GNG5: variants seen among roughly 807,000 people sequenced by gnomAD.
The protein encoded by GNG5 is guanine nucleotide-binding protein G(I)/G(S)/G(O) subunit gamma-5.
A neutral mutation model predicts 6.2 loss-of-function variants in GNG5; 2 were observed. That is an observed-to-expected ratio of 0.32 (90% CI 0.13 to 1.01). The LOEUF (loss-of-function observed/expected upper bound fraction) is 1.01, where lower values mean the gene tolerates loss of function less well. GNG5 is among the 50% of genes least tolerant of loss of function. The probability of loss-of-function intolerance (pLI) is 0.48; values close to 1 mark genes in which losing one functional copy is unlikely to be tolerated. For synonymous variants in GNG5, 24 were observed against 33.0 expected, an observed-to-expected ratio of 0.73 and a Z score of 0.93; for missense variants, 57 against 80.2, an observed-to-expected ratio of 0.71 and a Z score of 1.10.
Position 84,506,124 on chromosome 1 carries a change from C to A in GNG5, c.-33G>T. On this transcript the variant is annotated 5_prime_UTR_variant, in exon 2 of 4. Transcript: ENST00000370645. ...GCGACGGCCGGGCCGATTCGTGGGT[C>A]GGTGGGTCGTGGGCCGTGGGTCGGC... 6 of 1,562,776 alleles carry A rather than the reference C, an allele frequency of 3.8e-6. No individual in the cohort carries two copies. Among genetic ancestry groups the A allele is most frequent in the Non-Finnish European group, 5.2e-6 (6 of 1,154,214 alleles).
At chr1:84,504,162 A>G (rs1196813251) in intron 2 of GNG5, among the ~76,000 whole-genome samples, 4 of 152,228 alleles carry the variant, frequency 2.6e-5, no homozygotes, top group Admixed American at 1.3e-4. Context: ...ATAAAGGTTA[A>G]AAGTAAGATT....
At chr1:84,500,546 T>C (rs1320550488) in intron 3 of GNG5, among the ~76,000 whole-genome samples, 1 of 152,080 alleles carries the variant, frequency 6.6e-6, no homozygotes, top group Non-Finnish European at 1.5e-5. Flanking sequence ...TAATAAACCA[T>C]AAAAATATGA....
At chr1:84,500,169 A>G (rs967961948) in intron 3 of GNG5, among the ~76,000 whole-genome samples, 3 of 152,210 alleles carry the variant, frequency 2.0e-5, no homozygotes, top group African/African-American at 7.2e-5. Flanking sequence ...GGCAGTTGTA[A>G]GAAATGCAAG....
chr1:84,506,385 T>G, intron 1 of GNG5, 51 bp downstream of exon 1: 1 of 272,932 alleles, frequency 3.7e-6, no homozygotes, highest in East Asian at 7.6e-5. Flanking sequence ...TCTTAAGTTT[T>G]CTTTTCCTCT....
chr1:84,505,217 C>G (rs1682152204), intron 2 of GNG5, among the ~76,000 whole-genome samples: 1 of 152,186 alleles, frequency 6.6e-6, no homozygotes, highest in Non-Finnish European at 1.5e-5. Context: ...GTTATTCTAT[C>G]AACACAGACA....
At chr1:84,506,380 A>C (rs1007441652) in intron 1 of GNG5, 56 bp downstream of exon 1, 7 of 290,600 alleles carry the variant, frequency 2.4e-5, no homozygotes, top group Non-Finnish European at 4.5e-5. Context: ...CCGACTCTTA[A>C]GTTTTCTTTT....
At chr1:84,500,238 G>T (rs752517154) in intron 3 of GNG5, among the ~76,000 whole-genome samples, 56 of 152,174 alleles carry the variant, frequency 3.7e-4, no homozygotes, top group Non-Finnish European at 6.9e-4. Context: ...AAAGTGATTT[G>T]CATATATTCA....
intron 3 of GNG5, among the ~76,000 whole-genome samples, chr1:84,499,540 A>C (rs1158050113): frequency 6.6e-6 from 1 of 152,232 alleles, no homozygotes; most frequent in Non-Finnish European, 1.5e-5. Context: ...CAAATTTTGG[A>C]AACTTAAATA....
rs949860609 is a variant in GNG5 at position 84,499,426 on chromosome 1, C to T, written c.*20-878G>A. ...TATTGGCAGGGGATATCAAGTACAA[C>T]GTTGTAAAAATGTTAAACGTTCACT... On this transcript the variant is annotated intron_variant, in intron 3 of 3. Transcript: ENST00000370645. Among the ~76,000 whole-genome samples the T allele has an allele frequency of 3.9e-5, 6 of 152,136 alleles. No homozygotes were observed. In the South Asian group the frequency reaches 8.3e-4, roughly 21 times the overall value.
intron 2 of GNG5, 47 bp downstream of exon 2, chr1:84,505,964 C>A: frequency 7.8e-7 from 1 of 1,290,198 alleles, no homozygotes; most frequent in Non-Finnish European, 1.0e-6. Flanking sequence ...CGGATCCCAC[C>A]CGCCGCCGCC....
intron 2 of GNG5, 45 bp downstream of exon 2, chr1:84,505,966 G>C: frequency 5.4e-6 from 5 of 922,142 alleles, no homozygotes; most frequent in Non-Finnish European, 7.8e-6. Context: ...GATCCCACCC[G>C]CCGCCGCCGC....
chr1:84,506,239 C>A lies in GNG5; in HGVS notation c.-148G>T, dbSNP rs1417111077. The A allele has an allele frequency of 1.1e-5, 6 of 543,168 alleles. No homozygotes were observed. The highest frequency in any genetic ancestry group is 8.6e-5 in the Admixed American group (2 of 23,352). 33.6% of individuals were successfully genotyped at this position (543,168 alleles called of 1,614,324 possible). On this transcript the variant is annotated 5_prime_UTR_variant, in exon 2 of 4. The change creates a premature stop within an existing upstream ORF in the 5' untranslated region. Transcript: ENST00000370645. ...GTTCTGTGCTCAGCGGCTCCACCCTCGGTGCGCATGCGCGCCTTGCCAGCC... is the reference window on the plus strand; with the variant it reads ...GTTCTGTGCTCAGCGGCTCCACCCTAGGTGCGCATGCGCGCCTTGCCAGCC...
At position 84,506,073 on chromosome 1, in the gene GNG5, C is replaced by A; in HGVS notation, c.19G>T (p.Val7Phe). The change falls in exon 2 of 4, where the codon GTC becomes TTC. Residue 7 changes from valine (V) to phenylalanine (F), a missense_variant. Coordinates refer to ENST00000370645, the MANE Select transcript of GNG5 (RefSeq NM_005274.3). ...TGAACCACTTTCTTCATAGCGGCGA[C>A]GCTGGAGGAGCCAGACATGGTGCAC... MSGSSS[V>F]AAMKKVVQQL... 1 of 1,577,202 alleles carries A rather than the reference C, an allele frequency of 6.3e-7. No homozygotes were observed. The highest frequency in any genetic ancestry group is 1.4e-5 in the African/African-American group (1 of 71,574).
At chr1:84,499,248 T>C (rs1299001461) in intron 3 of GNG5, among the ~76,000 whole-genome samples, 3 of 152,192 alleles carry the variant, frequency 2.0e-5, no homozygotes, top group African/African-American at 7.2e-5. Context: ...AGTGTTAATC[T>C]GAGATAGTCT....
At chr1:84,505,890 C>G in intron 2 of GNG5, 121 bp downstream of exon 2, 1 of 632,808 alleles carries the variant, frequency 1.6e-6, no homozygotes, top group Non-Finnish European at 2.4e-6. Flanking sequence ...CCGCTGAGCG[C>G]GCGTCCTCTC....
At chr1:84,501,622 T>C (rs1682059161) in intron 3 of GNG5, among the ~76,000 whole-genome samples, 1 of 152,214 alleles carries the variant, frequency 6.6e-6, no homozygotes, top group Non-Finnish European at 1.5e-5. Context: ...TTAACCTTCT[T>C]TATGGTAAAA....
intron 2 of GNG5, among the ~76,000 whole-genome samples, chr1:84,505,039 C>T (rs917981032): frequency 5.3e-5 from 8 of 152,222 alleles, no homozygotes; most frequent in African/African-American, 1.7e-4. Flanking sequence ...AAAATCAAAT[C>T]ATCTTAGGAA....
chr1:84,506,166 G>T lies in GNG5; in HGVS notation c.-75C>A. The T allele has an allele frequency of 1.7e-6, 2 of 1,197,842 alleles. No homozygotes were observed. Among genetic ancestry groups the T allele is most frequent in the Non-Finnish European group, 2.3e-6 (2 of 866,482 alleles). 74.2% of individuals were successfully genotyped at this position (1,197,842 alleles called of 1,614,324 possible). ...TGGGTCGGCGGGGCCAGACAACTCA[G>T]CGGCGCGCGGCGGGGGCGGGGCTCC... On this transcript the variant is annotated 5_prime_UTR_variant, in exon 2 of 4. In the 5' UTR this introduces an upstream ATG that the reference lacks. Coordinates refer to ENST00000370645, the MANE Select transcript of GNG5 (RefSeq NM_005274.3).
At chr1:84,499,778 T>C (rs1682017998) in intron 3 of GNG5, among the ~76,000 whole-genome samples, 1 of 152,128 alleles carries the variant, frequency 6.6e-6, no homozygotes, top group South Asian at 2.1e-4. Flanking sequence ...AGGAAAAATT[T>C]CAAAAGCTGG....
Sources: allele counts gnomAD v4.1 joint callset (sites outside exome capture counted in the v4.1 genomes callset), GRCh38; gene constraint gnomAD v4.1.1; transcripts MANE v1.5; gene names NCBI Gene and HGNC (gene_info 2026-07-23, HGNC 2026-07-21).